Variants in CENPS observed in about 807,000 individuals in gnomAD.
The protein encoded by CENPS is centromere protein S.
CENPS carries 16 observed loss-of-function variants against 17.9 expected under a neutral mutation model. The ratio of observed to expected loss-of-function variants is 0.90; its 90% CI spans 0.61 to 1.36. The LOEUF (loss-of-function observed/expected upper bound fraction) is 1.36, where lower values mean the gene tolerates loss of function less well. Ranked by LOEUF, CENPS falls within the 40% of genes most tolerant of loss-of-function variation. The pLI is 0.00. For missense variants in CENPS, 160 were observed against 158.6 expected, an observed-to-expected ratio of 1.01 and a Z score of -0.05; for synonymous variants, 49 against 55.8, an observed-to-expected ratio of 0.88 and a Z score of 0.54.
intron 3 of CENPS, among the ~76,000 whole-genome samples, chr1:10,435,385 A>C (rs1024182207): frequency 1.3e-5 from 2 of 150,268 alleles, no homozygotes; most frequent in African/African-American, 4.9e-5. Context: ...CTTACTTTTC[A>C]CCTTGTTCCC....
chr1:10,436,282 A>G (rs547060789), intron 3 of CENPS, among the ~76,000 whole-genome samples: 4 of 151,366 alleles, frequency 2.6e-5, no homozygotes, highest in African/African-American at 9.7e-5. Flanking sequence ...CCCGGCAAAC[A>G]GTTGATTTTC....
chr1:10,436,437 C>T (rs950656788), intron 3 of CENPS, among the ~76,000 whole-genome samples: 1 of 151,080 alleles, frequency 6.6e-6, no homozygotes, highest in South Asian at 2.1e-4. Context: ...CGCCGTGGCT[C>T]ACGCCTGTAA....
At chr1:10,435,519 A>C (rs1266236188) in intron 3 of CENPS, among the ~76,000 whole-genome samples, 1 of 151,592 alleles carries the variant, frequency 6.6e-6, no homozygotes, top group Non-Finnish European at 1.5e-5. Flanking sequence ...TAGCATCTTC[A>C]GCTTGGCCAA....
chr1:10,442,065 A>G (rs574142732), intron 4 of CENPS, among the ~76,000 whole-genome samples, 200 bp from the exon 5 acceptor site: 24 of 150,860 alleles, frequency 1.6e-4, no homozygotes, highest in African/African-American at 5.3e-4. Context: ...TGAGACCCTC[A>G]TATCTACAAA....
intron 3 of CENPS, 59 bp downstream of exon 3, chr1:10,434,749 A>G: frequency 1.3e-6 from 2 of 1,543,568 alleles, no homozygotes; most frequent in South Asian, 2.5e-5. Flanking sequence ...GGGCCTCTCC[A>G]TCTGGTGGGT....
rs33919161 is a variant in CENPS at position 10,442,250 on chromosome 1, A to AT, written c.277-5dup. 4.0e-5 allele frequency: 62 copies of AT among 1,553,990 alleles called. No individual in the cohort carries two copies. The highest frequency in any genetic ancestry group is 3.3e-4 in the Admixed American group (15 of 46,120). On this transcript the variant is annotated splice_polypyrimidine_tract_variant and intron_variant, in intron 4 of 4. Coordinates refer to ENST00000309048, the MANE Select transcript of CENPS (RefSeq NM_199294.3). ...TGGTTACAGCCAGATATAAATACAG[A>AT]TTTTTTTTTTATAGCTAAAATACAT...
intron 1 of CENPS, chr1:10,430,902 C>T (rs772312506): frequency 2.5e-4 from 313 of 1,267,900 alleles, no homozygotes; most frequent in Non-Finnish European, 3.0e-4. Context: ...GGTACAACGT[C>T]GGCATTAGAC....
chr1:10,438,270 A>G (rs577124416), intron 3 of CENPS, among the ~76,000 whole-genome samples: 6 of 152,024 alleles, frequency 3.9e-5, no homozygotes, highest in South Asian at 2.1e-4. Flanking sequence ...TCAGCCTCCC[A>G]AGTAGCTGGG....
At chr1:10,441,313 CTT>C (rs747986112) in intron 4 of CENPS, among the ~76,000 whole-genome samples, 8 of 109,568 alleles carry the variant, frequency 7.3e-5, no homozygotes, top group African/African-American at 1.7e-4. Context: ...TGTGCCACAA[CTT>C]TTTTTTTTTT....
chr1:10,440,344 C>T lies in CENPS; in HGVS notation c.210-3C>T. 6.2e-7 allele frequency: 1 copy of T among 1,613,162 alleles called. No homozygotes were observed. Among genetic ancestry groups the T allele is most frequent in the Non-Finnish European group, 8.5e-7 (1 of 1,179,756 alleles). On this transcript the variant is annotated splice_region_variant and splice_polypyrimidine_tract_variant and intron_variant, in intron 3 of 4. Transcript: ENST00000309048. ...TGGTGACTTGCTTCTGCCCTTTCTGCAGACATGCGAAAAGAACCACAATTA... is the reference window on the plus strand; with the variant it reads ...TGGTGACTTGCTTCTGCCCTTTCTGTAGACATGCGAAAAGAACCACAATTA...
chr1:10,434,026 A>C (rs1435796931), intron 2 of CENPS, 61 bp downstream of exon 2: 1 of 1,608,492 alleles, frequency 6.2e-7, no homozygotes, highest in Non-Finnish European at 8.5e-7. Flanking sequence ...TTCACCTGGG[A>C]GCAGTGCGTG....
intron 1 of CENPS, 107 bp downstream of exon 1, chr1:10,430,675 C>CG (rs1639862841): frequency 2.1e-6 from 3 of 1,438,404 alleles, no homozygotes; most frequent in African/African-American, 1.6e-5. Flanking sequence ...ACCCCGCCCC[C>CG]GGGCGCCCCC....
At position 10,441,057 on chromosome 1, in the gene CENPS, C is replaced by T. The variant is rs186296092; in HGVS notation, c.276+644C>T. ...CTCTCTCCATCTGTGTTGCCTAGAA[C>T]GCACCTGTGTGCCTGGCACACAGGA... On this transcript the variant is annotated intron_variant, in intron 4 of 4. Transcript: ENST00000309048. 2.1e-3 allele frequency among the ~76,000 whole-genome samples: 318 copies of T among 152,344 alleles called. 2 individuals are homozygous for T. The highest frequency in any genetic ancestry group is 4.1e-3 in the Non-Finnish European group (279 of 68,028).
chr1:10,435,993 T>G (rs1214069434), intron 3 of CENPS, among the ~76,000 whole-genome samples: 7 of 151,930 alleles, frequency 4.6e-5, no homozygotes, highest in Non-Finnish European at 1.0e-4. Context: ...TTTTTTTTTT[T>G]TTTGGAGACA....
Position 10,442,393 on chromosome 1 carries a change from A to C in CENPS, c.405A>C (p.Glu135Asp). The C allele has an allele frequency of 2.5e-6, 4 of 1,583,902 alleles. No homozygotes were observed. Among genetic ancestry groups the C allele is most frequent in the Non-Finnish European group, 3.4e-6 (4 of 1,171,916 alleles). The change falls in exon 5 of 5, where the codon GAA becomes GAC. Residue 135 changes from glutamate to aspartate, a missense_variant. Transcript: ENST00000309048. ...AGCCAGCAGAGGCTGGAGTGGTGGA[A>C]AGTGAGAATTAAAGTCCCTCGCCGC... ...SRQPAEAGVV[E>D]SEN
intron 3 of CENPS, among the ~76,000 whole-genome samples, chr1:10,436,253 C>G (rs1167559086): frequency 6.6e-6 from 1 of 151,362 alleles, no homozygotes; most frequent in East Asian, 2.0e-4. Context: ...GCTAGGATTA[C>G]AGGCGTTGAG....
chr1:10,438,387 C>T (rs1640266252), intron 3 of CENPS, among the ~76,000 whole-genome samples: 1 of 152,176 alleles, frequency 6.6e-6, no homozygotes, highest in Non-Finnish European at 1.5e-5. Flanking sequence ...TCAAATGATC[C>T]ACCCACCTCG....
In CENPS at chr1:10,442,520, A is replaced by C; in HGVS notation, c.*115A>C. ...TAGAGATTTAAAAAAATAAAATAAA[A>C]AGGCTGGGCTAGGGTGCTTTTTGTG... On this transcript the variant is annotated 3_prime_UTR_variant, in exon 5 of 5. Coordinates refer to ENST00000309048, the MANE Select transcript of CENPS (RefSeq NM_199294.3). 2 of 1,353,336 alleles carry C rather than the reference A, an allele frequency of 1.5e-6. No homozygotes were observed. Among genetic ancestry groups the C allele is most frequent in the Non-Finnish European group, 9.5e-7 (1 of 1,051,506 alleles). The allele number at this position is 1,353,336 out of a possible 1,614,324, so 83.8% of individuals were successfully genotyped here. A position where few individuals can be genotyped will look rare whatever the true frequency, so the allele number is the denominator to read the frequency against.
Position 10,431,064 on chromosome 1 carries a change from C to A in CENPS, c.51+496C>A, listed in dbSNP as rs186952164. 1.0e-5 allele frequency: 14 copies of A among 1,364,784 alleles called. 1 individual carries two copies. In the African/African-American group the frequency reaches 2.1e-4, roughly 20 times the overall value. The allele number at this position is 1,364,784 out of a possible 1,614,324, so 84.5% of individuals were successfully genotyped here. On this transcript the variant is annotated intron_variant, in intron 1 of 4. Coordinates refer to ENST00000309048, the MANE Select transcript of CENPS (RefSeq NM_199294.3). ...CCTTAGATGTGGGTTCGAATCTCTG[C>A]CCCGCCAACTTGTGATCGTATCGAC...
Sources: gnomAD v4.1 joint callset for allele counts (sites outside exome capture counted in the v4.1 genomes callset) on GRCh38, gnomAD v4.1.1 for gene constraint, MANE v1.5 for transcripts, NCBI Gene and HGNC (gene_info 2026-07-23, HGNC 2026-07-21) for gene names.